The following RBFOX3 variants were observed in gnomAD, a reference collection of about 807,000 sequenced individuals.
RBFOX3 encodes RNA binding protein fox-1 homolog 3.
Under a neutral mutation model 48.7 loss-of-function variants are expected in RBFOX3, and 17 were observed. The observed-to-expected ratio is 0.35, with a 90% CI of 0.24 to 0.52. The LOEUF (loss-of-function observed/expected upper bound fraction) is 0.52, where lower values mean the gene tolerates loss of function less well. Ranked by LOEUF, RBFOX3 falls within the 20% of genes least tolerant of loss-of-function variation. RBFOX3 has a pLI of 0.94. For missense variants in RBFOX3, 382 were observed against 497.5 expected (o/e 0.77, Z 2.21); for synonymous variants, 212 against 209.5 (o/e 1.01, Z -0.10).
chr17:79,093,008 C>T (rs1489002838), intron 14 of RBFOX3, among the ~76,000 whole-genome samples: 1 of 152,106 alleles, frequency 6.6e-6, no homozygotes, highest in Non-Finnish European at 1.5e-5. Context: ...CAGGGTGGCA[C>T]GGGGCATCTT....
At chr17:79,602,659 A>G (rs1390625221) in intron 1 of RBFOX3, among the ~76,000 whole-genome samples, 1 of 149,346 alleles carries the variant, frequency 6.7e-6, no homozygotes, top group African/African-American at 2.4e-5. Context: ...AAAAGCACAC[A>G]CTTTGTTTTT....
chr17:79,280,181 CACAT>C (rs2070001268), intron 3 of RBFOX3, among the ~76,000 whole-genome samples: 4 of 151,380 alleles, frequency 2.6e-5, no homozygotes, highest in South Asian at 2.1e-4. Context: ...CACTCACACA[CACAT>C]GCACACTTAT....
At chr17:79,255,334 C>T (rs929900702) in intron 3 of RBFOX3, among the ~76,000 whole-genome samples, 1 of 151,996 alleles carries the variant, frequency 6.6e-6, no homozygotes, top group Admixed American at 6.5e-5. Flanking sequence ...TGGGTCTCAG[C>T]CCGGTGGCTG....
the RBFOX3 span, among the ~76,000 whole-genome samples, chr17:79,625,181 C>T: frequency 1.3e-5 from 2 of 152,124 alleles, no homozygotes; most frequent in Admixed American, 6.5e-5. Flanking sequence ...TATTCCCCAC[C>T]CCCGGGCAAC....
At chr17:79,096,033 G>A (rs941921858) in intron 12 of RBFOX3, among the ~76,000 whole-genome samples, 1 of 152,206 alleles carries the variant, frequency 6.6e-6, no homozygotes, top group Admixed American at 6.5e-5. Flanking sequence ...TGGACACCAG[G>A]AAGGGTCAAG....
chr17:79,546,355 C>T (rs1044298203), intron 1 of RBFOX3, among the ~76,000 whole-genome samples: 3 of 152,192 alleles, frequency 2.0e-5, no homozygotes, highest in East Asian at 1.9e-4. Flanking sequence ...TCCACACAAA[C>T]GGCCATCAGA....
chr17:79,342,714 A>T (rs1364692567), intron 2 of RBFOX3, among the ~76,000 whole-genome samples: 1 of 152,206 alleles, frequency 6.6e-6, no homozygotes, highest in Non-Finnish European at 1.5e-5. Flanking sequence ...GGGTCCTAAA[A>T]TCCTAATGAG....
At chr17:79,540,231 C>T (rs573107240) in intron 1 of RBFOX3, among the ~76,000 whole-genome samples, 4 of 152,226 alleles carry the variant, frequency 2.6e-5, no homozygotes, top group African/African-American at 4.8e-5. Flanking sequence ...TGATATTCAG[C>T]GTGGCTCCGA....
chr17:79,365,900 T>C (rs1410444569), intron 2 of RBFOX3, among the ~76,000 whole-genome samples: 1 of 152,214 alleles, frequency 6.6e-6, no homozygotes, highest in African/African-American at 2.4e-5. Flanking sequence ...CCGGTAACCA[T>C]GGAGATGGCA....
At chr17:79,192,987 C>T (rs558169320) in intron 4 of RBFOX3, among the ~76,000 whole-genome samples, 2 of 152,340 alleles carry the variant, frequency 1.3e-5, no homozygotes, top group East Asian at 1.9e-4. Flanking sequence ...CTGTGCCAGC[C>T]CCTGGTGCCC....
At chr17:79,259,458 G>T (rs1277437431) in intron 3 of RBFOX3, among the ~76,000 whole-genome samples, 2 of 152,258 alleles carry the variant, frequency 1.3e-5, no homozygotes, top group Non-Finnish European at 2.9e-5. Flanking sequence ...CAGAGATGGG[G>T]TCATCGCCAG....
intron 1 of RBFOX3, among the ~76,000 whole-genome samples, chr17:79,509,499 G>A (rs1185952522): frequency 2.6e-5 from 4 of 152,002 alleles, no homozygotes; most frequent in African/African-American, 7.3e-5. Context: ...TCAGGCCGAC[G>A]GAGTCTGAGT....
At chr17:79,332,766 T>C (rs1335213410) in intron 2 of RBFOX3, among the ~76,000 whole-genome samples, 2 of 92,818 alleles carry the variant, frequency 2.2e-5, no homozygotes, top group African/African-American at 4.0e-5. Context: ...GACAGAGAGA[T>C]AAAGAGAGGC....
intron 2 of RBFOX3, among the ~76,000 whole-genome samples, chr17:79,308,991 T>C (rs930519407): frequency 4.0e-5 from 6 of 151,650 alleles, no homozygotes; most frequent in African/African-American, 1.2e-4. Flanking sequence ...TGGTGAGTCC[T>C]AGCTACCAGG....
intron 1 of RBFOX3, among the ~76,000 whole-genome samples, chr17:79,574,443 C>A (rs954746636): frequency 3.3e-5 from 5 of 152,100 alleles, no homozygotes; most frequent in African/African-American, 1.2e-4. Flanking sequence ...GCTCACTGTG[C>A]GGTAATTATA....
intron 2 of RBFOX3, among the ~76,000 whole-genome samples, chr17:79,467,047 G>T (rs1195953217): frequency 6.6e-6 from 1 of 152,166 alleles, no homozygotes; most frequent in Admixed American, 6.5e-5. Flanking sequence ...CACTGCACAC[G>T]TCTAGATAAG....
At chr17:79,600,426 C>T (rs992895646) in intron 1 of RBFOX3, 1 of 152,280 alleles carries the variant, frequency 6.6e-6, no homozygotes, top group Non-Finnish European at 1.5e-5. Flanking sequence ...TACATGTGCA[C>T]AAGCTCTGCT....
intron 1 of RBFOX3, among the ~76,000 whole-genome samples, chr17:79,526,109 G>A (rs1314379121): frequency 1.3e-5 from 2 of 152,248 alleles, no homozygotes; most frequent in African/African-American, 4.8e-5. Flanking sequence ...CCAGCACTCA[G>A]CCATCTTACC....
chr17:79,346,421 G>A (rs1568082702), intron 2 of RBFOX3, among the ~76,000 whole-genome samples: 1 of 152,152 alleles, frequency 6.6e-6, no homozygotes. Context: ...AGTTACATAA[G>A]TTCATGGATC....
Sources: gnomAD v4.1 joint callset for allele counts (sites outside exome capture counted in the v4.1 genomes callset) on GRCh38, gnomAD v4.1.1 for gene constraint, MANE v1.5 for transcripts, NCBI Gene and HGNC (gene_info 2026-07-23, HGNC 2026-07-21) for gene names.